ZUP1: variants seen among roughly 807,000 people sequenced by gnomAD.
ZUP1 encodes zinc finger-containing ubiquitin peptidase 1.
Under a neutral mutation model 68.1 loss-of-function variants are expected in ZUP1, and 55 were observed. The ratio of observed to expected loss-of-function variants is 0.81; its 90% CI spans 0.65 to 1.01. The LOEUF (loss-of-function observed/expected upper bound fraction) is 1.01, where lower values mean the gene tolerates loss of function less well. Ranked by LOEUF, ZUP1 falls within the 50% of genes least tolerant of loss-of-function variation. The probability of loss-of-function intolerance (pLI) is 0.00; values close to 1 mark genes in which losing one functional copy is unlikely to be tolerated. For synonymous variants in ZUP1, 223 were observed against 221.5 expected (o/e 1.01, Z -0.06); for missense variants, 684 against 674.9 (o/e 1.01, Z -0.15).
intron 7 of ZUP1, among the ~76,000 whole-genome samples, chr6:116,649,061 C>G (rs6925564): frequency 0.52 from 78,897 of 151,560 alleles, 20,996 homozygotes; most frequent in African/African-American, 0.62. Flanking sequence ...AGTGTGAACA[C>G]ATTGGCAAAA....
chr6:116,663,540 C>T (rs1168079938), intron 2 of ZUP1, among the ~76,000 whole-genome samples: 2 of 152,174 alleles, frequency 1.3e-5, no homozygotes, highest in Non-Finnish European at 2.9e-5. Context: ...AGGCATTTTT[C>T]AATACACTTG....
rs1775898642 is a variant in ZUP1, at chr6:116,635,874, C to T, written c.1695G>A (p.Arg565=). The change falls in exon 10 of 10, where the codon AGG becomes AGA. Residue 565 remains arginine (R), a synonymous_variant. Transcript: ENST00000368576. ...GALSLEEKLA[R]RQASQVFTAE... is the part of the protein sequence containing the mutation. ...CTGTAAAGACTTGAGAAGCTTGTCT[C>T]CTGGCCTTGAAAAGAAATTTTAAAA... 1 of 1,586,590 alleles carries T rather than the reference C, an allele frequency of 6.3e-7. No individual in the cohort carries two copies.
chr6:116,664,095 A>G (rs1035781299), intron 2 of ZUP1, among the ~76,000 whole-genome samples: 5 of 152,244 alleles, frequency 3.3e-5, no homozygotes, highest in African/African-American at 1.2e-4. Context: ...AACAGAAAAT[A>G]TAAACTATAC....
At position 116,652,016 on chromosome 6, in the gene ZUP1, CGTT is replaced by C; in HGVS notation, c.1135_1137del (p.Asn379del). ...AGATTTCACATACCTTTTAAGCAAT[CGTT>C]GTAAGCATCATTTTGTAATAATGAT... On this transcript the variant is annotated inframe_deletion, in exon 6 of 10. Coordinates refer to ENST00000368576, the MANE Select transcript of ZUP1 (RefSeq NM_145062.3). 1.2e-6 allele frequency: 2 copies of C among 1,613,644 alleles called. No homozygotes were observed. Among genetic ancestry groups the C allele is most frequent in the Non-Finnish European group, 1.7e-6 (2 of 1,179,758 alleles).
intron 9 of ZUP1, 125 bp downstream of exon 9, chr6:116,645,583 CAAAAAA>C (rs59393240): frequency 2.3e-4 from 97 of 430,976 alleles, no homozygotes; most frequent in South Asian, 3.1e-4. Flanking sequence ...ACCCTGTCTC[CAAAAAA>C]AAAAAAAAAA....
Position 116,658,092 on chromosome 6 carries a change from TCAAA to T in ZUP1, c.792+707_792+710del, listed in dbSNP as rs146558172. Among the ~76,000 whole-genome samples, 659 of 152,148 alleles carry T rather than the reference TCAAA, an allele frequency of 4.3e-3. 3 individuals are homozygous for T. The highest frequency in any genetic ancestry group is 0.015 in the African/African-American group (604 of 41,492). ...TGGGCGACAAGAGTGAAACTCCGTC[TCAAA>T]CAAACAAACAAACAACAACAACAAA... On this transcript the variant is annotated intron_variant, in intron 4 of 9. Coordinates refer to ENST00000368576, the MANE Select transcript of ZUP1 (RefSeq NM_145062.3).
rs779429729 is a variant in ZUP1 at position 116,657,024 on chromosome 6, CAAAA to C, written c.793-176_793-173del. Among the ~76,000 whole-genome samples, 756 of 87,300 alleles carry C rather than the reference CAAAA, an allele frequency of 8.7e-3. 7 individuals carry two copies. The South Asian group carries it at 0.093, about 11-fold the overall frequency. 57.3% of individuals were successfully genotyped at this position (87,300 alleles called of 152,430 possible). ...CTAATAACACACACACACACACACA[CAAAA>C]AAAAATTATTGACTTAATAAGCAAC... On this transcript the variant is annotated intron_variant, in intron 4 of 9. Coordinates refer to ENST00000368576, the MANE Select transcript of ZUP1 (RefSeq NM_145062.3).
At chr6:116,641,844 C>G (rs946806339) in intron 9 of ZUP1, among the ~76,000 whole-genome samples, 36 of 151,980 alleles carry the variant, frequency 2.4e-4, no homozygotes, top group African/African-American at 8.5e-4. Flanking sequence ...AAAATCAGAG[C>G]AGAACTGAAG....
intron 1 of ZUP1, among the ~76,000 whole-genome samples, chr6:116,667,809 G>A (rs998028403): frequency 5.3e-5 from 8 of 152,094 alleles, no homozygotes; most frequent in African/African-American, 1.9e-4. Flanking sequence ...TGTACTCTCA[G>A]CCCCAAGAAT....
intron 2 of ZUP1, among the ~76,000 whole-genome samples, chr6:116,666,160 C>T (rs1227020833): frequency 6.6e-6 from 1 of 152,000 alleles, no homozygotes; most frequent in East Asian, 1.9e-4. Context: ...ACATTCCACC[C>T]AACAAAGCAG....
At chr6:116,649,828 C>A (rs1338015026) in intron 7 of ZUP1, among the ~76,000 whole-genome samples, 3 of 152,164 alleles carry the variant, frequency 2.0e-5, no homozygotes, top group Non-Finnish European at 4.4e-5. Context: ...ATGTTTCATT[C>A]TTCACTCTCT....
intron 9 of ZUP1, among the ~76,000 whole-genome samples, chr6:116,643,111 T>C (rs1171846349): frequency 2.6e-5 from 4 of 151,780 alleles, no homozygotes; most frequent in African/African-American, 4.8e-5. Flanking sequence ...AATAAAATAC[T>C]TAGGAATCCA....
intron 9 of ZUP1, 114 bp downstream of exon 9, chr6:116,645,600 A>C: frequency 1.2e-6 from 1 of 812,844 alleles, no homozygotes; most frequent in Non-Finnish European, 1.8e-6. Context: ...AAAAAAAAAA[A>C]AGAAAAAGAA....
intron 2 of ZUP1, among the ~76,000 whole-genome samples, chr6:116,663,678 C>T (rs1208802134): frequency 6.6e-6 from 1 of 152,138 alleles, no homozygotes; most frequent in African/African-American, 2.4e-5. Context: ...CAGTGGCTCC[C>T]ACCTGCAATC....
At chr6:116,639,708 C>T (rs1416347850) in intron 9 of ZUP1, among the ~76,000 whole-genome samples, 1 of 152,134 alleles carries the variant, frequency 6.6e-6, no homozygotes, top group African/African-American at 2.4e-5. Flanking sequence ...CATCAAAGAC[C>T]AACAGGAGAT....
rs1342349603 is a variant in ZUP1, at chr6:116,647,596, T to C, written c.1331A>G (p.Asp444Gly). 1 of 1,568,688 alleles carries C rather than the reference T, an allele frequency of 6.4e-7. No individual in the cohort carries two copies. The highest frequency in any genetic ancestry group is 8.7e-7 in the Non-Finnish European group (1 of 1,149,720). ...CAAAGGACCAGTTGATTTGTGAAAA[T>C]CAACAATATGACACCTATTAAAAAT... is the stretch of plus-strand genomic sequence containing the variant. Reference protein sequence around the residue: ...TSLRVKCHIVDFHKSTGPLGT... With the variant: ...TSLRVKCHIVGFHKSTGPLGT... The change falls in exon 8 of 10, where the codon GAT becomes GGT. Residue 444 changes from aspartate (D) to glycine (G), a missense_variant. Coordinates refer to ENST00000368576, the MANE Select transcript of ZUP1 (RefSeq NM_145062.3).
At chr6:116,666,529 T>C (rs1777014829) in intron 2 of ZUP1, 105 bp downstream of exon 2, 7 of 870,634 alleles carry the variant, frequency 8.0e-6, no homozygotes, top group Non-Finnish European at 6.6e-6. Flanking sequence ...TAAAATGGAT[T>C]TCAAAACACA....
intron 2 of ZUP1, among the ~76,000 whole-genome samples, chr6:116,664,983 C>A (rs1776956583): frequency 6.6e-6 from 1 of 151,662 alleles, no homozygotes; most frequent in South Asian, 2.1e-4. Flanking sequence ...TTTTTGAATT[C>A]AGAGTAAAGA....
At chr6:116,661,039 C>A (rs1776822533) in intron 2 of ZUP1, among the ~76,000 whole-genome samples, 193 bp from the exon 3 acceptor site, 1 of 151,686 alleles carries the variant, frequency 6.6e-6, no homozygotes, top group African/African-American at 2.4e-5. Flanking sequence ...CCACCACGCC[C>A]AGCTAATTTT....
Sources: allele counts gnomAD v4.1 joint callset (sites outside exome capture counted in the v4.1 genomes callset), GRCh38; gene constraint gnomAD v4.1.1; transcripts MANE v1.5; gene names NCBI Gene and HGNC (gene_info 2026-07-23, HGNC 2026-07-21).